The following WSB2 variants were observed in gnomAD, a reference collection of about 807,000 sequenced individuals.
The protein encoded by WSB2 is WD repeat and SOCS box containing 2.
In WSB2, 12 loss-of-function variants were observed where a neutral mutation model predicts 48.8. That is an observed-to-expected ratio of 0.25 (90% CI 0.16 to 0.40). The LOEUF is 0.40. Ranked by LOEUF, WSB2 falls within the 10% of genes least tolerant of loss-of-function variation. The pLI is 1.00. For synonymous variants in WSB2, 191 were observed against 203.1 expected, an observed-to-expected ratio of 0.94 and a Z score of 0.51; for missense variants, 317 against 506.2, an observed-to-expected ratio of 0.63 and a Z score of 3.59.
chr12:118,044,252 C>G (rs151045353), intron 2 of WSB2, among the ~76,000 whole-genome samples: 1 of 152,294 alleles, frequency 6.6e-6, no homozygotes, highest in East Asian at 1.9e-4. Context: ...CACATGCTTG[C>G]TCAGAAAGTT....
rs546758234 is a variant in WSB2, at chr12:118,037,675, A to T, written c.660+613T>A. Among the ~76,000 whole-genome samples, 36 of 151,178 alleles carry T rather than the reference A, an allele frequency of 2.4e-4. No homozygotes were observed. The East Asian group carries it at 6.8e-3, about 28-fold the overall frequency. On this transcript the variant is annotated intron_variant, in intron 5 of 8. Coordinates refer to ENST00000315436, the MANE Select transcript of WSB2 (RefSeq NM_018639.5). ...AACAGCGAAACTCTGTCTAAAAAAA[A>T]AAAAAAAGAAAAGAAAAGAAAAGAA...
intron 4 of WSB2, among the ~76,000 whole-genome samples, chr12:118,040,670 A>G (rs79644006): frequency 9.9e-5 from 15 of 151,000 alleles, no homozygotes; most frequent in Non-Finnish European, 2.1e-4. Flanking sequence ...AAAAAAAAAA[A>G]GAGGCACTGC....
At position 118,036,632 on chromosome 12, in the gene WSB2, C is replaced by G. The variant is rs553218449; in HGVS notation, c.661-122G>C. On this transcript the variant is annotated intron_variant, in intron 5 of 8. Coordinates refer to ENST00000315436, the MANE Select transcript of WSB2 (RefSeq NM_018639.5). ...TGCAGCCAGGGCTGATTCTCTATCC[C>G]TTTTCTACAGCTCTTCCAGAACGTG... The G allele has an allele frequency of 9.7e-5, 98 of 1,013,356 alleles. 1 individual carries two copies. The South Asian group carries it at 1.6e-3, about 16-fold the overall frequency. The allele number at this position is 1,013,356 out of a possible 1,614,324, so 62.8% of individuals were successfully genotyped here. A position where few individuals can be genotyped will look rare whatever the true frequency, so the allele number is the denominator to read the frequency against.
chr12:118,060,202 T>C lies in WSB2; in HGVS notation c.13+834A>G, dbSNP rs1400548490. Among the ~76,000 whole-genome samples, 1 of 152,126 alleles carries C rather than the reference T, an allele frequency of 6.6e-6. No homozygotes were observed. The highest frequency in any genetic ancestry group is 2.4e-5 in the African/African-American group (1 of 41,422). ...CCAAGGCGTGCATGCGTCTTGGGGT[T>C]TTTTTCCCCTTGCATAAGAGACACA... On this transcript the variant is annotated intron_variant, in intron 1 of 8. Transcript: ENST00000315436. The surrounding 1 kb of genome is among the most constrained non-coding windows in gnomAD (Gnocchi z 4.1).
At chr12:118,059,531 G>T (rs1418088084) in intron 1 of WSB2, among the ~76,000 whole-genome samples, 2 of 152,148 alleles carry the variant, frequency 1.3e-5, no homozygotes, top group South Asian at 4.1e-4. Context: ...TTGAAAATAA[G>T]TTAAAACTCT....
chr12:118,043,040 C>A (rs1593466452), intron 3 of WSB2, 68 bp from the exon 4 acceptor site: 3 of 1,613,444 alleles, frequency 1.9e-6, no homozygotes, highest in East Asian at 2.2e-5. Context: ...CACGGCCACA[C>A]CCCTTGGCCA....
At chr12:118,044,119 C>CA (rs879791083) in intron 2 of WSB2, among the ~76,000 whole-genome samples, 95 of 143,578 alleles carry the variant, frequency 6.6e-4, no homozygotes, top group Admixed American at 3.0e-3. Context: ...AACTCTATCT[C>CA]AAAAAAAAAA....
At chr12:118,040,400 G>C (rs1401822565) in intron 4 of WSB2, among the ~76,000 whole-genome samples, 1 of 152,212 alleles carries the variant, frequency 6.6e-6, no homozygotes, top group East Asian at 1.9e-4. Context: ...GATTTCCAGA[G>C]CCACTGCATG....
At chr12:118,040,148 A>G (rs2031598469) in intron 4 of WSB2, among the ~76,000 whole-genome samples, 1 of 152,082 alleles carries the variant, frequency 6.6e-6, no homozygotes, top group African/African-American at 2.4e-5. Context: ...ACTCCAGCCC[A>G]TGCAACACAG....
At chr12:118,055,092 C>A (rs977491589) in intron 1 of WSB2, among the ~76,000 whole-genome samples, 4 of 151,544 alleles carry the variant, frequency 2.6e-5, no homozygotes, top group African/African-American at 9.7e-5. Context: ...TTGTATAGAC[C>A]CAGGTAAATC....
At chr12:118,042,302 G>C (rs555779643) in intron 4 of WSB2, among the ~76,000 whole-genome samples, 1 of 152,178 alleles carries the variant, frequency 6.6e-6, no homozygotes, top group African/African-American at 2.4e-5. Context: ...CACAGGACAT[G>C]GGGACTTTTT....
chr12:118,050,751 A>C (rs2031835137), intron 2 of WSB2, among the ~76,000 whole-genome samples: 1 of 152,116 alleles, frequency 6.6e-6, no homozygotes, highest in Non-Finnish European at 1.5e-5. Context: ...AGGACCAGTA[A>C]GCACCTGAAA....
chr12:118,038,371 A>G lies in WSB2; in HGVS notation c.577T>C (p.Leu193=). The G allele has an allele frequency of 6.2e-7, 1 of 1,614,176 alleles. No homozygotes were observed. The part of the protein sequence containing the change: ...LNKHGKQIQV[L]SGHLQWVYCC... ...TAAACCCACTGCAGGTGGCCCGATA[A>G]CACTTGAATCTGTTTACCTGGCAGG... Residue 193 remains leucine, a synonymous_variant, in exon 5 of 9, where the codon TTA becomes CTA. Coordinates refer to ENST00000315436, the MANE Select transcript of WSB2 (RefSeq NM_018639.5).
At chr12:118,036,229 C>T in intron 6 of WSB2, 109 bp downstream of exon 6, 1 of 1,323,274 alleles carries the variant, frequency 7.6e-7, no homozygotes, top group Non-Finnish European at 1.0e-6. Flanking sequence ...CCTTTTTATC[C>T]AGCTTGTCCC....
At chr12:118,041,429 A>C (rs2031633894) in intron 4 of WSB2, among the ~76,000 whole-genome samples, 1 of 152,158 alleles carries the variant, frequency 6.6e-6, no homozygotes, top group Non-Finnish European at 1.5e-5. Flanking sequence ...GTGAGAAATA[A>C]ATGTCTGTTG....
At chr12:118,044,456 T>C (rs2031705990) in intron 2 of WSB2, among the ~76,000 whole-genome samples, 1 of 152,218 alleles carries the variant, frequency 6.6e-6, no homozygotes, top group Non-Finnish European at 1.5e-5. Flanking sequence ...CCAACACCGT[T>C]TGTTTGGTAC....
At chr12:118,055,857 C>G (rs574791198) in intron 1 of WSB2, among the ~76,000 whole-genome samples, 1 of 151,636 alleles carries the variant, frequency 6.6e-6, no homozygotes, top group East Asian at 1.9e-4. Context: ...TGAAGCAATC[C>G]GCCCACCTCG....
intron 2 of WSB2, among the ~76,000 whole-genome samples, chr12:118,049,532 G>A (rs1242029700): frequency 6.6e-6 from 1 of 151,972 alleles, no homozygotes; most frequent in African/African-American, 2.4e-5. Context: ...CTCCTGAGTA[G>A]CTGGGATTAC....
At chr12:118,037,300 TG>T (rs1243112436) in intron 5 of WSB2, among the ~76,000 whole-genome samples, 5 of 152,224 alleles carry the variant, frequency 3.3e-5, no homozygotes, top group African/African-American at 1.2e-4. Flanking sequence ...GTCCCAAGAC[TG>T]GGCCTCTGAC....
Sources: gnomAD v4.1 joint callset for allele counts (sites outside exome capture counted in the v4.1 genomes callset) on GRCh38, gnomAD v4.1.1 for gene constraint, Gnocchi (gnomAD v3.1) non-coding constraint, MANE v1.5 for transcripts, NCBI Gene and HGNC (gene_info 2026-07-23, HGNC 2026-07-21) for gene names.